ZNF804A: variants seen among roughly 807,000 people sequenced by gnomAD.
ZNF804A encodes zinc finger protein 804A.
In ZNF804A, 2 loss-of-function variants were observed where a neutral mutation model predicts 16.5. That is an observed-to-expected ratio of 0.12 (90% CI 0.05 to 0.38). The LOEUF (loss-of-function observed/expected upper bound fraction) is 0.38, where lower values mean the gene tolerates loss of function less well. Ranked by LOEUF, ZNF804A falls within the 10% of genes least tolerant of loss-of-function variation. The pLI, the probability that ZNF804A is intolerant of heterozygous loss-of-function variation, is 0.99. For missense variants in ZNF804A, 1,473 were observed against 1,390.7 expected (o/e 1.06, Z -0.94); for synonymous variants, 534 against 489.6 (o/e 1.09, Z -1.20).
chr2:184,766,629 C>CA (rs1232594654), intron 1 of ZNF804A, among the ~76,000 whole-genome samples: 9,160 of 97,696 alleles, frequency 0.094, 521 homozygotes, highest in African/African-American at 0.21. Context: ...GGTGGTTGCT[C>CA]AAAAAAAAAA....
rs2105747423 is a variant in ZNF804A, at chr2:184,731,077, C to T, written c.111+132007C>T. Among the ~76,000 whole-genome samples, 2 of 150,790 alleles carry T rather than the reference C, an allele frequency of 1.3e-5. 1 individual carries two copies. Among genetic ancestry groups the T allele is most frequent in the South Asian group, 4.2e-4 (2 of 4,750 alleles). On this transcript the variant is annotated intron_variant, in intron 1 of 3. Transcript: ENST00000302277. ...GGTCAACATGGTGAAACCCTGAAGCCCTGTCTCTACTAAAAGTACACAAAT... is the reference window on the plus strand; with the variant it reads ...GGTCAACATGGTGAAACCCTGAAGCTCTGTCTCTACTAAAAGTACACAAAT...
At chr2:184,723,159 A>C (rs1411480750) in intron 1 of ZNF804A, among the ~76,000 whole-genome samples, 1 of 151,934 alleles carries the variant, frequency 6.6e-6, no homozygotes, top group Non-Finnish European at 1.5e-5. Context: ...CACACATTAC[A>C]GTATATTCCT....
chr2:184,682,794 C>G (rs1490709633), intron 1 of ZNF804A, among the ~76,000 whole-genome samples: 2 of 151,984 alleles, frequency 1.3e-5, no homozygotes, highest in East Asian at 3.9e-4. Flanking sequence ...ATTGCTTGAG[C>G]CCAGGAGTTC....
chr2:184,662,845 AC>A (rs1310534730), intron 1 of ZNF804A, among the ~76,000 whole-genome samples: 1 of 152,220 alleles, frequency 6.6e-6, no homozygotes, highest in African/African-American at 2.4e-5. Context: ...TTTATTTAAT[AC>A]ATCAAGTATT....
intron 1 of ZNF804A, among the ~76,000 whole-genome samples, chr2:184,649,934 G>A (rs1237960551): frequency 4.0e-5 from 6 of 151,610 alleles, no homozygotes; most frequent in Non-Finnish European, 5.9e-5. Context: ...ATTTGAGGAG[G>A]AGGGACTCCT....
At chr2:184,692,210 G>A (rs1692743731) in intron 1 of ZNF804A, among the ~76,000 whole-genome samples, 1 of 152,124 alleles carries the variant, frequency 6.6e-6, no homozygotes, top group East Asian at 1.9e-4. Flanking sequence ...TAAATGCAGG[G>A]CAGAGCAGTT....
intron 2 of ZNF804A, among the ~76,000 whole-genome samples, chr2:184,932,352 A>T (rs1179027951): frequency 6.6e-6 from 1 of 152,216 alleles, no homozygotes; most frequent in Non-Finnish European, 1.5e-5. Context: ...TCACAGTTGC[A>T]CATGGCTAGA....
intron 2 of ZNF804A, among the ~76,000 whole-genome samples, chr2:184,890,054 C>A (rs1347771227): frequency 6.6e-6 from 1 of 152,068 alleles, no homozygotes; most frequent in Non-Finnish European, 1.5e-5. Context: ...GTTGATACCA[C>A]TTTAGTGATA....
At chr2:184,624,462 G>A (rs1304737347) in intron 1 of ZNF804A, among the ~76,000 whole-genome samples, 1 of 152,148 alleles carries the variant, frequency 6.6e-6, no homozygotes, top group Non-Finnish European at 1.5e-5. Context: ...TGTGAGGGAT[G>A]TGGTAAGTTC....
intron 1 of ZNF804A, among the ~76,000 whole-genome samples, chr2:184,855,690 G>T (rs1365824295): frequency 2.0e-5 from 3 of 151,908 alleles, no homozygotes; most frequent in African/African-American, 7.2e-5. Context: ...GAATATGTGG[G>T]TGGGTGTGGA....
chr2:184,786,930 T>G (rs1558961362), intron 1 of ZNF804A, among the ~76,000 whole-genome samples: 2 of 151,970 alleles, frequency 1.3e-5, no homozygotes, highest in Admixed American at 6.6e-5. Flanking sequence ...TTAACTTTAA[T>G]ATAGTCTATC....
At chr2:184,669,797 T>TC (rs1164901638) in intron 1 of ZNF804A, among the ~76,000 whole-genome samples, 1 of 151,794 alleles carries the variant, frequency 6.6e-6, no homozygotes, top group African/African-American at 2.4e-5. Context: ...ATATTTTTTT[T>TC]CTCTAAATTA....
intron 2 of ZNF804A, among the ~76,000 whole-genome samples, chr2:184,900,842 C>T (rs562210126): frequency 1.6e-4 from 25 of 152,256 alleles, no homozygotes; most frequent in African/African-American, 5.5e-4. Flanking sequence ...GGGTAATACA[C>T]ATCTGTCTGT....
intron 1 of ZNF804A, among the ~76,000 whole-genome samples, chr2:184,642,146 T>A (rs951828873): frequency 2.0e-5 from 3 of 152,212 alleles, no homozygotes; most frequent in Non-Finnish European, 4.4e-5. Context: ...TTGAAATGTT[T>A]GTGGCACTAT....
chr2:184,895,849 A>C (rs978801634), intron 2 of ZNF804A, among the ~76,000 whole-genome samples: 1 of 152,140 alleles, frequency 6.6e-6, no homozygotes, highest in African/African-American at 2.4e-5. Flanking sequence ...TCTCTTCACA[A>C]AATGTATTGT....
chr2:184,898,051 AG>A (rs1202639696), intron 2 of ZNF804A, among the ~76,000 whole-genome samples: 1 of 152,166 alleles, frequency 6.6e-6, no homozygotes, highest in Non-Finnish European at 1.5e-5. Flanking sequence ...GAGGTTAAAG[AG>A]TTCATTGTAT....
chr2:184,639,540 A>G (rs1691758982), intron 1 of ZNF804A, among the ~76,000 whole-genome samples: 1 of 152,176 alleles, frequency 6.6e-6, no homozygotes, highest in Non-Finnish European at 1.5e-5. Context: ...TATGTTTAAT[A>G]TTTTTGATTT....
At chr2:184,763,776 G>A (rs2105764717) in intron 1 of ZNF804A, among the ~76,000 whole-genome samples, 1 of 151,048 alleles carries the variant, frequency 6.6e-6, no homozygotes, top group Non-Finnish European at 1.5e-5. Context: ...CTGAGTAGCT[G>A]GGACTACAGG....
chr2:184,747,137 T>C (rs551455795), intron 1 of ZNF804A, among the ~76,000 whole-genome samples: 226 of 151,272 alleles, frequency 1.5e-3, no homozygotes, highest in Middle Eastern at 6.8e-3. Flanking sequence ...AGTTTAGTTA[T>C]ACTTTTCAAG....
Sources: gnomAD v4.1 joint callset for allele counts (sites outside exome capture counted in the v4.1 genomes callset) on GRCh38, gnomAD v4.1.1 for gene constraint, MANE v1.5 for transcripts, NCBI Gene and HGNC (gene_info 2026-07-23, HGNC 2026-07-21) for gene names.